Variants in ZBTB20 observed in about 807,000 individuals in gnomAD.
ZBTB20 encodes zinc finger and BTB domain-containing protein 20.
In ZBTB20, 9 loss-of-function variants were observed where a neutral mutation model predicts 56.9. That is an observed-to-expected ratio of 0.16 (90% CI 0.10 to 0.28). The LOEUF is 0.28. ZBTB20 is among the 10% of genes least tolerant of loss of function. The pLI is 1.00. For synonymous variants in ZBTB20, 417 were observed against 420.7 expected, an observed-to-expected ratio of 0.99 and a Z score of 0.11; for missense variants, 655 against 1,003.0, an observed-to-expected ratio of 0.65 and a Z score of 4.69.
At chr3:114,839,467 G>GAAAGAAAGAAAGAAAGAAAGAAAGAA (rs1420146858) in intron 4 of ZBTB20, among the ~76,000 whole-genome samples, 2 of 150,240 alleles carry the variant, frequency 1.3e-5, no homozygotes, top group African/African-American at 4.9e-5. Flanking sequence ...AAGAAAGAAA[G>GAAAGAAAGAAAGAAAGAAAGAAAGAA]AGAGAGAGAA....
chr3:114,380,719 C>T, intron 9 of ZBTB20, 58 bp downstream of exon 9: 2 of 1,459,186 alleles, frequency 1.4e-6, no homozygotes, highest in Non-Finnish European at 9.0e-7. Flanking sequence ...AGAAAGCATC[C>T]CTCTTCCCCC....
intron 3 of ZBTB20, among the ~76,000 whole-genome samples, chr3:114,973,817 C>T (rs2077986437): frequency 6.6e-6 from 1 of 152,124 alleles, no homozygotes; most frequent in South Asian, 2.1e-4. Context: ...CCTGTGAGCT[C>T]TTTATACACA....
chr3:114,625,216 G>A (rs1419757331), intron 6 of ZBTB20, among the ~76,000 whole-genome samples: 1 of 151,582 alleles, frequency 6.6e-6, no homozygotes, highest in Non-Finnish European at 1.5e-5. Context: ...TGTAAAAAAA[G>A]AAGCATCAAG....
At chr3:114,746,696 G>A (rs1197127676) in intron 5 of ZBTB20, among the ~76,000 whole-genome samples, 1 of 152,198 alleles carries the variant, frequency 6.6e-6, no homozygotes, top group African/African-American at 2.4e-5. Context: ...GTTATAAGGA[G>A]GGTTTTGTTT....
At chr3:114,676,229 G>A (rs1031049342) in intron 6 of ZBTB20, among the ~76,000 whole-genome samples, 4 of 152,102 alleles carry the variant, frequency 2.6e-5, no homozygotes, top group East Asian at 1.9e-4. Flanking sequence ...TTTGCACACC[G>A]TCCATTTAGA....
intron 5 of ZBTB20, among the ~76,000 whole-genome samples, chr3:114,757,779 C>A (rs1284723722): frequency 6.6e-6 from 1 of 151,938 alleles, no homozygotes; most frequent in Non-Finnish European, 1.5e-5. Flanking sequence ...TATTACTTGG[C>A]TCAAGGAATA....
At chr3:114,713,154 TG>T (rs2064210785) in intron 5 of ZBTB20, among the ~76,000 whole-genome samples, 1 of 152,136 alleles carries the variant, frequency 6.6e-6, no homozygotes, top group African/African-American at 2.4e-5. Context: ...GGACTTCTTA[TG>T]TTTTTATATC....
In ZBTB20 at chr3:115,132,675, G is replaced by C. The variant is rs138078884; in HGVS notation, c.-703+14544C>G. Among the ~76,000 whole-genome samples, 288 of 152,190 alleles carry C rather than the reference G, an allele frequency of 1.9e-3. 10 individuals are homozygous for C. The East Asian group carries it at 0.045, about 24-fold the overall frequency. ...ACTTTGGGTGGAGGCTGAGGTGGCA[G>C]GATCACTTGAACCCAGGAGGTTGAG... On this transcript the variant is annotated intron_variant, in intron 1 of 11. Coordinates refer to ENST00000675478, the MANE Select transcript of ZBTB20 (RefSeq NM_001348800.3).
chr3:114,650,461 A>C (rs887467911), intron 6 of ZBTB20, among the ~76,000 whole-genome samples: 1 of 80,642 alleles, frequency 1.2e-5, no homozygotes, highest in African/African-American at 1.4e-4. Flanking sequence ...ATCTATTTAC[A>C]AAAAAATATT....
At chr3:114,729,606 G>A (rs1197744293) in intron 5 of ZBTB20, among the ~76,000 whole-genome samples, 1 of 152,126 alleles carries the variant, frequency 6.6e-6, no homozygotes, top group African/African-American at 2.4e-5. Flanking sequence ...AAGCCATCTT[G>A]GGAATTTGGG....
At chr3:114,844,520 C>CAACAAAAAAAAA (rs2074565180) in intron 4 of ZBTB20, among the ~76,000 whole-genome samples, 1 of 22,804 alleles carries the variant, frequency 4.4e-5, no homozygotes, top group Non-Finnish European at 6.5e-5. Context: ...GTCCCTGTCT[C>CAACAAAAAAAAA]AAAAAAAAAA....
chr3:114,703,956 A>G (rs746978672), intron 5 of ZBTB20, among the ~76,000 whole-genome samples: 1 of 152,180 alleles, frequency 6.6e-6, no homozygotes, highest in Non-Finnish European at 1.5e-5. Context: ...AGACTGGAAT[A>G]GATATTCTTT....
At chr3:114,470,148 T>A (rs541089257) in intron 7 of ZBTB20, among the ~76,000 whole-genome samples, 153 of 152,260 alleles carry the variant, frequency 1.0e-3, no homozygotes, top group African/African-American at 3.6e-3. Flanking sequence ...CTCCATAAAA[T>A]GTTAGGTGAT....
intron 5 of ZBTB20, among the ~76,000 whole-genome samples, chr3:114,798,972 T>C (rs546398536): frequency 2.0e-5 from 3 of 151,638 alleles, no homozygotes; most frequent in South Asian, 4.2e-4. Context: ...GAGGGGCAGA[T>C]AAATGTATGT....
At chr3:114,490,061 GA>G (rs2042565737) in intron 7 of ZBTB20, among the ~76,000 whole-genome samples, 1 of 151,866 alleles carries the variant, frequency 6.6e-6, no homozygotes, top group Non-Finnish European at 1.5e-5. Context: ...TCTAGGTCTG[GA>G]AGCTGTTTTT....
At chr3:114,647,635 C>T (rs2059921373) in intron 6 of ZBTB20, among the ~76,000 whole-genome samples, 1 of 152,196 alleles carries the variant, frequency 6.6e-6, no homozygotes, top group Non-Finnish European at 1.5e-5. Flanking sequence ...CATTAGCCAA[C>T]CTCTTTATAG....
chr3:115,050,059 C>T (rs1319328833), intron 2 of ZBTB20, among the ~76,000 whole-genome samples: 1 of 151,554 alleles, frequency 6.6e-6, no homozygotes, highest in Non-Finnish European at 1.5e-5. Context: ...AAAAAAATTC[C>T]CCTAGTGTTA....
At position 114,455,472 on chromosome 3, in the gene ZBTB20, G is replaced by A. The variant is rs936608876; in HGVS notation, c.-255+44880C>T. Among the ~76,000 whole-genome samples the A allele has an allele frequency of 2.0e-5, 3 of 152,226 alleles. 1 individual carries two copies. Among genetic ancestry groups the A allele is most frequent in the Admixed American group, 6.5e-5 (1 of 15,284 alleles). Reference sequence around the variant, plus strand: ...TTCTCCTCTAGTTTTATGAACCATAGATATTTATGTGCAGGTGCCAACATA... The same window carrying A: ...TTCTCCTCTAGTTTTATGAACCATAAATATTTATGTGCAGGTGCCAACATA... On this transcript the variant is annotated intron_variant, in intron 7 of 11. Coordinates refer to ENST00000675478, the MANE Select transcript of ZBTB20 (RefSeq NM_001348800.3).
intron 5 of ZBTB20, among the ~76,000 whole-genome samples, chr3:114,738,090 G>A (rs945053845): frequency 6.6e-6 from 1 of 151,858 alleles, no homozygotes; most frequent in Non-Finnish European, 1.5e-5. Context: ...AATTTAATGT[G>A]AGACTTTAAA....
Sources: allele counts gnomAD v4.1 joint callset (sites outside exome capture counted in the v4.1 genomes callset), GRCh38; gene constraint gnomAD v4.1.1; transcripts MANE v1.5; gene names NCBI Gene and HGNC (gene_info 2026-07-23, HGNC 2026-07-21).